Variants in TRPM3 observed in about 807,000 individuals in gnomAD.
The protein encoded by TRPM3 is transient receptor potential cation channel subfamily M member 3.
TRPM3 carries 77 observed loss-of-function variants against 181.2 expected under a neutral mutation model. The observed-to-expected ratio is 0.42, with a 90% CI of 0.35 to 0.51. TRPM3 has a LOEUF of 0.51. TRPM3 is among the 20% of genes least tolerant of loss of function. The probability of loss-of-function intolerance (pLI) is 0.01; values close to 1 mark genes in which losing one functional copy is unlikely to be tolerated. For synonymous variants in TRPM3, 745 were observed against 796.4 expected (o/e 0.94, Z 1.09); for missense variants, 1,759 against 2,196.7 (o/e 0.80, Z 3.98).
chr9:70,761,546 C>A, intron 8 of TRPM3, 55 bp downstream of exon 8: 1 of 1,613,124 alleles, frequency 6.2e-7, no homozygotes, highest in Non-Finnish European at 8.5e-7. Context: ...TTGTGTGATT[C>A]AAGAAAATGA....
At chr9:70,857,332 A>G (rs1005028621) in intron 3 of TRPM3, among the ~76,000 whole-genome samples, 1 of 151,664 alleles carries the variant, frequency 6.6e-6, no homozygotes, top group Admixed American at 6.6e-5. Context: ...GGCTGGTTTC[A>G]CTGTGATTTT....
chr9:71,313,370 C>G (rs1037769362), intron 1 of TRPM3, among the ~76,000 whole-genome samples: 1 of 152,048 alleles, frequency 6.6e-6, no homozygotes, highest in African/African-American at 2.4e-5. Flanking sequence ...ATACCTGATT[C>G]CTAAATTTCT....
intron 1 of TRPM3, among the ~76,000 whole-genome samples, chr9:71,049,876 G>A (rs1054907460): frequency 6.6e-6 from 1 of 152,122 alleles, no homozygotes; most frequent in Non-Finnish European, 1.5e-5. Context: ...TCCCTCACCT[G>A]TGACCCACAA....
At chr9:71,418,005 T>A (rs1260219181) in intron 1 of TRPM3, among the ~76,000 whole-genome samples, 2 of 151,606 alleles carry the variant, frequency 1.3e-5, no homozygotes, top group Non-Finnish European at 2.9e-5. Context: ...ATGAAAAATA[T>A]AAAAAGGGAC....
chr9:71,344,050 T>TAGATTAGATTAGATTA (rs1554880746), intron 1 of TRPM3, among the ~76,000 whole-genome samples: 55 of 149,470 alleles, frequency 3.7e-4, no homozygotes, highest in African/African-American at 1.3e-3. Context: ...TAGATTAGAT[T>TAGATTAGATTAGATTA]GATAGATAGA....
At chr9:71,032,088 TA>T (rs377370362) in intron 1 of TRPM3, among the ~76,000 whole-genome samples, 22 of 1,836 alleles carry the variant, frequency 0.012, 3 homozygotes, top group African/African-American at 0.056. Context: ...TATATATATA[TA>T]ATTATATAAT....
chr9:70,557,424 A>G (rs1435210224), intron 22 of TRPM3, among the ~76,000 whole-genome samples: 2 of 152,258 alleles, frequency 1.3e-5, no homozygotes, highest in African/African-American at 4.8e-5. Context: ...TATATGCAGC[A>G]GTTAATGCAA....
chr9:70,662,538 C>G (rs1462355232), intron 9 of TRPM3, among the ~76,000 whole-genome samples: 1 of 151,880 alleles, frequency 6.6e-6, no homozygotes, highest in Non-Finnish European at 1.5e-5. Context: ...GAACTCAAAT[C>G]AGCAAGAAAA....
intron 1 of TRPM3, among the ~76,000 whole-genome samples, chr9:70,937,581 A>T (rs935194160): frequency 2.6e-5 from 4 of 152,214 alleles, no homozygotes; most frequent in Non-Finnish European, 5.9e-5. Flanking sequence ...ATTGGCTGCC[A>T]TTCGTGAGTC....
At chr9:70,809,355 A>C (rs1209942695) in intron 6 of TRPM3, among the ~76,000 whole-genome samples, 1 of 152,250 alleles carries the variant, frequency 6.6e-6, no homozygotes, top group Non-Finnish European at 1.5e-5. Context: ...GTATACAAAA[A>C]TATTCTAGCA....
At chr9:71,109,996 T>TA (rs796603507) in intron 1 of TRPM3, among the ~76,000 whole-genome samples, 11 of 152,282 alleles carry the variant, frequency 7.2e-5, no homozygotes, top group African/African-American at 2.6e-4. Context: ...AATATATATA[T>TA]TTTTGTGAAT....
Position 70,625,125 on chromosome 9 carries a change from C to G in TRPM3, c.1809+66G>C. ...TTAATTCCCCTTGGAGACAAAGAAG[C>G]CACAACCCAAATCCCATACACCCTA... On this transcript the variant is annotated intron_variant, in intron 14 of 25. Transcript: ENST00000677713. This position sits in a 1 kb window ranked among gnomAD's most constrained non-coding sequence, Gnocchi z 4.8. The G allele has an allele frequency of 6.4e-7, 1 of 1,560,340 alleles. No homozygotes were observed. The highest frequency in any genetic ancestry group is 8.7e-7 in the Non-Finnish European group (1 of 1,147,750).
intron 1 of TRPM3, among the ~76,000 whole-genome samples, chr9:70,918,095 G>C (rs1035186613): frequency 1.3e-5 from 2 of 152,056 alleles, no homozygotes; most frequent in Non-Finnish European, 2.9e-5. Context: ...AAATATATTT[G>C]CACCCAACAC....
chr9:71,253,213 A>C (rs115972372), intron 1 of TRPM3, among the ~76,000 whole-genome samples: 2,206 of 152,272 alleles, frequency 0.014, 65 homozygotes, highest in African/African-American at 0.051. Context: ...GATGTCCAAC[A>C]AATGTTTGAT....
At chr9:71,288,947 C>G (rs578243970) in intron 1 of TRPM3, among the ~76,000 whole-genome samples, 2 of 152,128 alleles carry the variant, frequency 1.3e-5, no homozygotes, top group Admixed American at 1.3e-4. Flanking sequence ...AAAAAATTCC[C>G]AAGACTTTCT....
chr9:71,314,508 T>C (rs575423027), intron 1 of TRPM3, among the ~76,000 whole-genome samples: 21 of 152,186 alleles, frequency 1.4e-4, no homozygotes, highest in South Asian at 4.1e-4. Flanking sequence ...AAAAAGCATA[T>C]GGAAAGAAGC....
At chr9:70,862,767 G>T in intron 3 of TRPM3, 141 bp downstream of exon 3, 2 of 755,654 alleles carry the variant, frequency 2.6e-6, no homozygotes, top group Non-Finnish European at 4.5e-6. Flanking sequence ...AGGGGCAGGG[G>T]ACTCAGAGCA....
At chr9:70,640,478 T>G in intron 10 of TRPM3, 82 bp downstream of exon 10, 2 of 1,069,952 alleles carry the variant, frequency 1.9e-6, no homozygotes, top group Non-Finnish European at 2.8e-6. Flanking sequence ...AATCGTTTTC[T>G]GAGCTGACCT....
chr9:71,356,500 A>C (rs2091903535), intron 1 of TRPM3, among the ~76,000 whole-genome samples: 1 of 152,128 alleles, frequency 6.6e-6, no homozygotes, highest in Non-Finnish European at 1.5e-5. Flanking sequence ...GATGGGCCTG[A>C]ATTCAAACCT....
Sources: allele counts gnomAD v4.1 joint callset (sites outside exome capture counted in the v4.1 genomes callset), GRCh38; gene constraint gnomAD v4.1.1; non-coding constraint Gnocchi (gnomAD v3.1); transcripts MANE v1.5; gene names NCBI Gene and HGNC (gene_info 2026-07-23, HGNC 2026-07-21).